LTBP1: variants seen among roughly 807,000 people sequenced by gnomAD.
LTBP1 encodes the protein latent transforming growth factor beta binding protein 1.
Under a neutral mutation model 207.6 loss-of-function variants are expected in LTBP1, and 129 were observed. The ratio of observed to expected loss-of-function variants is 0.62; its 90% CI spans 0.54 to 0.72. The LOEUF is 0.72. LTBP1 is among the 30% of genes least tolerant of loss of function. The pLI is 0.00. For missense variants in LTBP1, 2,281 were observed against 2,217.2 expected (o/e 1.03, Z -0.58); for synonymous variants, 963 against 833.7 (o/e 1.16, Z -2.67).
chr2:33,240,196 G>A (rs1573371676), intron 9 of LTBP1, among the ~76,000 whole-genome samples: 1 of 151,684 alleles, frequency 6.6e-6, no homozygotes, highest in Non-Finnish European at 1.5e-5. Context: ...TAGAATTATG[G>A]TTTACCATTC....
chr2:33,215,590 C>T (rs1488910283), intron 7 of LTBP1, among the ~76,000 whole-genome samples: 1 of 152,150 alleles, frequency 6.6e-6, no homozygotes, highest in African/African-American at 2.4e-5. Context: ...CCCTGGAGGC[C>T]TGCCAGGTGA....
intron 3 of LTBP1, among the ~76,000 whole-genome samples, chr2:33,105,456 A>G (rs2080010867): frequency 1.4e-5 from 2 of 145,086 alleles, no homozygotes; most frequent in Admixed American, 7.0e-5. Flanking sequence ...TTTTTTTTTG[A>G]GACAGAGTCT....
intron 5 of LTBP1, among the ~76,000 whole-genome samples, chr2:33,150,573 C>A (rs1001230105): frequency 6.6e-6 from 1 of 151,964 alleles, no homozygotes; most frequent in Non-Finnish European, 1.5e-5. Flanking sequence ...CCATTCCTTT[C>A]TCCCCTAGCC....
intron 3 of LTBP1, among the ~76,000 whole-genome samples, chr2:33,088,920 C>A (rs2078911096): frequency 6.6e-6 from 1 of 151,868 alleles, no homozygotes; most frequent in Non-Finnish European, 1.5e-5. Flanking sequence ...CTTTGGGAGG[C>A]CGAGGCGGGC....
intron 3 of LTBP1, among the ~76,000 whole-genome samples, chr2:33,038,221 A>T (rs1558546431): frequency 6.6e-6 from 1 of 152,216 alleles, no homozygotes; most frequent in African/African-American, 2.4e-5. Context: ...CTCACCTGAG[A>T]TTTATGCTGT....
rs372414220 is a variant in LTBP1, at chr2:33,342,861, A to G, written c.3754A>G (p.Thr1252Ala). The G allele has an allele frequency of 1.2e-5, 19 of 1,613,910 alleles. No homozygotes were observed. Among genetic ancestry groups the G allele is most frequent in the Non-Finnish European group, 1.5e-5 (18 of 1,179,952 alleles). The change falls in exon 25 of 34, where the codon ACT (threonine) becomes GCT (alanine). Residue 1252 changes from threonine to alanine, a missense_variant. By Grantham distance (58) the Thr-to-Ala change is moderately conservative (BLOSUM62 0). Around this residue, in one of 3 missense-constraint regions of LTBP1, gnomAD observed 1,671 missense variants for 1,634.8 expected, o/e 1.02. Coordinates refer to ENST00000404816, the MANE Select transcript of LTBP1 (RefSeq NM_206943.4). ...AGATATTGATGAATGTGTAAACAAC[A>G]CTGTTTGTGACAGTCACGGGTTTTG... ...CEDIDECVNN[T>A]VCDSHGFCDN...
At chr2:33,186,473 C>T (rs1201323728) in intron 5 of LTBP1, among the ~76,000 whole-genome samples, 4 of 151,852 alleles carry the variant, frequency 2.6e-5, no homozygotes, top group East Asian at 1.9e-4. Flanking sequence ...CCCTTGTTCT[C>T]GAGGAGTTTA....
At chr2:33,096,200 T>C (rs557867810) in intron 3 of LTBP1, among the ~76,000 whole-genome samples, 1 of 152,270 alleles carries the variant, frequency 6.6e-6, no homozygotes, top group South Asian at 2.1e-4. Flanking sequence ...AGGTACAAAG[T>C]AGGTCATAAA....
intron 5 of LTBP1, among the ~76,000 whole-genome samples, chr2:33,170,725 C>T (rs1173305556): frequency 6.7e-6 from 1 of 148,400 alleles, no homozygotes; most frequent in African/African-American, 2.5e-5. Context: ...GTCCCTGACC[C>T]CTGACCCCCG....
chr2:33,181,650 C>G (rs115398247), intron 5 of LTBP1, among the ~76,000 whole-genome samples: 1 of 152,354 alleles, frequency 6.6e-6, no homozygotes, highest in African/African-American at 2.4e-5. Context: ...AGCAAAGTAT[C>G]AAGCTAACAA....
rs537414245 is a variant in LTBP1 at position 33,270,370 on chromosome 2, G to A, written c.2618-3286G>A. 1.7e-4 allele frequency among the ~76,000 whole-genome samples: 26 copies of A among 151,952 alleles called. No homozygotes were observed. The East Asian group carries it at 2.3e-3, about 14-fold the overall frequency. On this transcript the variant is annotated intron_variant, in intron 15 of 33. Transcript: ENST00000404816. The stretch of plus-strand genomic sequence containing the variant: ...TTGGGGAGGCTGATGTGGGTGGATC[G>A]CAAGGTCAAGAGATGGAGACCATCC...
At chr2:33,157,043 A>T (rs548530825) in intron 5 of LTBP1, among the ~76,000 whole-genome samples, 62 of 152,304 alleles carry the variant, frequency 4.1e-4, no homozygotes, top group African/African-American at 1.4e-3. Flanking sequence ...GTGACTGAAG[A>T]GCAGAGGTTT....
intron 25 of LTBP1, among the ~76,000 whole-genome samples, chr2:33,345,953 T>A (rs987334196): frequency 9.2e-5 from 14 of 152,226 alleles, no homozygotes; most frequent in African/African-American, 3.4e-4. Flanking sequence ...AAAAGCACTA[T>A]GGGACAACAT....
Position 33,398,477 on chromosome 2 carries a change from G to A in LTBP1, c.5098G>A (p.Asp1700Asn). 1.9e-6 allele frequency: 3 copies of A among 1,614,204 alleles called. No homozygotes were observed. Among genetic ancestry groups the A allele is most frequent in the Non-Finnish European group, 1.7e-6 (2 of 1,180,032 alleles). The change falls in exon 34 of 34, where the codon GAC becomes AAC. Residue 1700 changes from aspartate (D) to asparagine (N), a missense_variant. This residue lies in a region of LTBP1 where 1,671 missense variants were observed against 1,634.8 expected (regional missense o/e 1.02). Transcript: ENST00000404816. ...CLCLPGYVPS[D>N]KPNYCTPLNT... is the part of the protein sequence containing the mutation. ...GTGTCTGCCAGGCTACGTGCCTTCTGACAAGCCAAACTACTGCACTCCGTT... is the reference window on the plus strand; with the variant it reads ...GTGTCTGCCAGGCTACGTGCCTTCTAACAAGCCAAACTACTGCACTCCGTT...
intron 2 of LTBP1, among the ~76,000 whole-genome samples, chr2:32,975,582 T>C (rs1156738687): frequency 2.3e-5 from 2 of 86,096 alleles, no homozygotes; most frequent in Non-Finnish European, 5.2e-5. Context: ...ATTCATTCTT[T>C]GTTTTTTTTT....
chr2:33,331,680 A>T (rs2094495647), intron 24 of LTBP1, among the ~76,000 whole-genome samples: 1 of 152,094 alleles, frequency 6.6e-6, no homozygotes, highest in African/African-American at 2.4e-5. Flanking sequence ...ATGCGGCTGG[A>T]CCTATATGTC....
intron 7 of LTBP1, among the ~76,000 whole-genome samples, chr2:33,193,138 T>C (rs189726373): frequency 1.3e-5 from 2 of 152,256 alleles, no homozygotes; most frequent in Non-Finnish European, 2.9e-5. Context: ...AATATCCTTA[T>C]TCTTTTTTGT....
In LTBP1 at chr2:33,257,405, A is replaced by T. The variant is rs774921482; in HGVS notation, c.2289A>T (p.Gln763His). The T allele has an allele frequency of 1.2e-6, 2 of 1,614,220 alleles. No homozygotes were observed. The highest frequency in any genetic ancestry group is 1.3e-5 in the African/African-American group (1 of 75,052). Reference sequence around the variant, plus strand: ...TATTTGTCAAGCCAAAGAACACTCAACCTGTTGCTAAAAGTACTCATCCTC... The same window carrying T: ...TATTTGTCAAGCCAAAGAACACTCATCCTGTTGCTAAAAGTACTCATCCTC... ...GPVFVKPKNT[Q>H]PVAKSTHPPP... The change falls in exon 12 of 34, where the codon CAA becomes CAT. Residue 763 changes from glutamine (Q) to histidine (H), a missense_variant. This residue lies in a region of LTBP1 where 1,671 missense variants were observed against 1,634.8 expected (regional missense o/e 1.02). Transcript: ENST00000404816.
At chr2:33,009,948 A>C (rs1053992279) in intron 2 of LTBP1, among the ~76,000 whole-genome samples, 2 of 152,212 alleles carry the variant, frequency 1.3e-5, no homozygotes, top group African/African-American at 4.8e-5. Context: ...AAGTTCGGGC[A>C]CTGAATTAGA....
Sources: gnomAD v4.1 joint callset for allele counts (sites outside exome capture counted in the v4.1 genomes callset) on GRCh38, gnomAD v4.1.1 for gene constraint, gnomAD v4.1.1 regional missense constraint, MANE v1.5 for transcripts, NCBI Gene and HGNC (gene_info 2026-07-23, HGNC 2026-07-21) for gene names.